The following CFLAR variants were observed in gnomAD, a reference collection of about 807,000 sequenced individuals.
The protein encoded by CFLAR is CASP8 and FADD like apoptosis regulator, also known as CASP8 and FADD-like apoptosis regulator.
A neutral mutation model predicts 51.1 loss-of-function variants in CFLAR; 14 were observed. The observed-to-expected ratio is 0.27, with a 90% CI of 0.18 to 0.43. The LOEUF (loss-of-function observed/expected upper bound fraction) is 0.43, where lower values mean the gene tolerates loss of function less well. Ranked by LOEUF, CFLAR falls within the 20% of genes least tolerant of loss-of-function variation. The pLI, the probability that CFLAR is intolerant of heterozygous loss-of-function variation, is 1.00. For synonymous variants in CFLAR, 210 were observed against 211.6 expected (o/e 0.99, Z 0.06); for missense variants, 390 against 566.5 (o/e 0.69, Z 3.16).
chr2:201,145,335 AAATAACT>A, intron 5 of CFLAR, 36 bp from the exon 6 acceptor site: 1 of 1,220,028 alleles, frequency 8.2e-7, no homozygotes, highest in Non-Finnish European at 1.2e-6. Context: ...TGTACCTCTG[AAATAACT>A]AACAGGAAGT....
At chr2:201,135,916 T>C (rs1468732677) in intron 3 of CFLAR, 56 bp from the exon 4 acceptor site, 6 of 1,569,408 alleles carry the variant, frequency 3.8e-6, no homozygotes, top group Non-Finnish European at 5.2e-6. Context: ...TATGAACTTC[T>C]GCACCTGGCC....
At chr2:201,136,489 C>G (rs2050144767) in intron 4 of CFLAR, 1 of 1,589,598 alleles carries the variant, frequency 6.3e-7, no homozygotes, top group Middle Eastern at 1.9e-4. Context: ...GGTGATGTCA[C>G]TTGGGTCTCA....
At chr2:201,162,705 A>T (rs1575970689) in intron 9 of CFLAR, 1 of 265,818 alleles carries the variant, frequency 3.8e-6, no homozygotes, top group East Asian at 9.4e-5. Context: ...CAGGGAGAGG[A>T]CAAGGACAGG....
chr2:201,161,420 A>ATT (rs551168092), intron 9 of CFLAR, among the ~76,000 whole-genome samples: 146 of 145,660 alleles, frequency 1.0e-3, no homozygotes, highest in African/African-American at 2.5e-3. Context: ...ATTTTTATTT[A>ATT]TTTTTTTTTT....
At chr2:201,151,135 C>T (rs1941213239) in intron 8 of CFLAR, 1 of 152,190 alleles carries the variant, frequency 6.6e-6, no homozygotes, top group Non-Finnish European at 1.5e-5. Context: ...TCAGTCAGTT[C>T]TGCTGTCCTT....
chr2:201,134,670 A>G (rs544105299), intron 3 of CFLAR, among the ~76,000 whole-genome samples: 1 of 150,404 alleles, frequency 6.6e-6, no homozygotes, highest in African/African-American at 2.4e-5. Context: ...ATAAAATAAA[A>G]TAAAATAAAA....
At chr2:201,126,755 T>A (rs1462529071) in intron 1 of CFLAR, among the ~76,000 whole-genome samples, 1 of 152,156 alleles carries the variant, frequency 6.6e-6, no homozygotes, top group East Asian at 1.9e-4. Context: ...TCTCAGCAGT[T>A]TTGTTAGTTC....
chr2:201,141,404 C>G, intron 5 of CFLAR: 1 of 1,559,648 alleles, frequency 6.4e-7, no homozygotes, highest in African/African-American at 1.4e-5. Flanking sequence ...TTGTCCTGAT[C>G]TGAAAATTCT....
chr2:201,123,727 T>A (rs2048412743), intron 1 of CFLAR, among the ~76,000 whole-genome samples: 1 of 152,230 alleles, frequency 6.6e-6, no homozygotes, highest in African/African-American at 2.4e-5. Context: ...TGTCATTTTA[T>A]AACTGGGATC....
intron 1 of CFLAR, among the ~76,000 whole-genome samples, chr2:201,128,296 G>A (rs1333509605): frequency 6.6e-6 from 1 of 152,036 alleles, no homozygotes; most frequent in Admixed American, 6.6e-5. Flanking sequence ...ATAGATTTGG[G>A]CTGTCCAGAA....
At chr2:201,136,672 C>T (rs1575688466) in intron 4 of CFLAR, 1 of 1,030,862 alleles carries the variant, frequency 9.7e-7, no homozygotes, top group Non-Finnish European at 1.4e-6. Flanking sequence ...AGTTCACTGC[C>T]ACCATAGCAT....
chr2:201,163,009 G>A (rs778620179), intron 9 of CFLAR: 28 of 752,906 alleles, frequency 3.7e-5, no homozygotes, highest in South Asian at 1.2e-4. Flanking sequence ...GACAATTCCC[G>A]GAAGTGGAAT....
chr2:201,136,108 G>T lies in CFLAR; in HGVS notation c.523+1G>T. On this transcript the variant is annotated splice_donor_variant, in intron 4 of 9. Transcript: ENST00000309955. LOFTEE classifies it high-confidence loss of function. ...AAAATCCAGAAGTACAAGCAGTCTG[G>T]TAAGAATTTTGGCCTCTCAGTGGTC... 1 of 1,612,554 alleles carries T rather than the reference G, an allele frequency of 6.2e-7. No homozygotes were observed. Among genetic ancestry groups the T allele is most frequent in the Non-Finnish European group, 8.5e-7 (1 of 1,179,206 alleles).
intron 1 of CFLAR, among the ~76,000 whole-genome samples, chr2:201,119,860 CAT>C (rs2048008290): frequency 6.8e-6 from 1 of 146,562 alleles, no homozygotes; most frequent in Non-Finnish European, 1.5e-5. Flanking sequence ...TTTTTTCACA[CAT>C]GTGCGCTCTC....
Position 201,129,795 on chromosome 2 carries a change from G to A in CFLAR, c.-71G>A. The stretch of plus-strand genomic sequence containing the variant: ...CCCTCAGAAATGAAGTTGACTGCCT[G>A]CTGGCTTTCTGTTGACTGGCCCGGA... On this transcript the variant is annotated 5_prime_UTR_variant, in exon 2 of 10. Transcript: ENST00000309955. 1 of 1,441,322 alleles carries A rather than the reference G, an allele frequency of 6.9e-7. No homozygotes were observed. The highest frequency in any genetic ancestry group is 9.5e-7 in the Non-Finnish European group (1 of 1,050,594). 89.3% of individuals were successfully genotyped at this position (1,441,322 alleles called of 1,614,324 possible).
At chr2:201,132,005 A>G (rs1387172139) in intron 2 of CFLAR, among the ~76,000 whole-genome samples, 1 of 152,080 alleles carries the variant, frequency 6.6e-6, no homozygotes, top group Non-Finnish European at 1.5e-5. Flanking sequence ...TATCATTGTT[A>G]TTATTATTAT....
intron 5 of CFLAR, among the ~76,000 whole-genome samples, chr2:201,142,307 TAA>T (rs201735574): frequency 6.6e-6 from 1 of 150,874 alleles, no homozygotes; most frequent in Non-Finnish European, 1.5e-5. Flanking sequence ...TATATATATA[TAA>T]ATGCTTTCCT....
chr2:201,144,674 A>G lies in CFLAR; in HGVS notation c.607-704A>G, dbSNP rs1036333836. Reference sequence around the variant, plus strand: ...GTCTGGCCTAGAAATCCGACTCTTAACCATGCTGTACTTTGCCCCTGTGTT... The same window carrying G: ...GTCTGGCCTAGAAATCCGACTCTTAGCCATGCTGTACTTTGCCCCTGTGTT... On this transcript the variant is annotated intron_variant, in intron 5 of 9. Transcript: ENST00000309955. Among the ~76,000 whole-genome samples, 3 of 152,152 alleles carry G rather than the reference A, an allele frequency of 2.0e-5. No homozygotes were observed. The East Asian group carries it at 5.8e-4, about 29-fold the overall frequency.
In CFLAR at chr2:201,160,745, C is replaced by A; in HGVS notation, c.1107C>A (p.Asp369Glu). Residue 369 changes from aspartate to glutamate, a missense_variant, in exon 9 of 10, where the codon GAC becomes GAA. This residue lies in a region of CFLAR where 287 missense variants were observed against 363.6 expected (regional missense o/e 0.79). Coordinates refer to ENST00000309955, the MANE Select transcript of CFLAR (RefSeq NM_003879.7). Reference protein sequence around the residue: ...NYVVSEGQLEDSSLLEVDGPA... With the variant: ...NYVVSEGQLEESSLLEVDGPA... The stretch of plus-strand genomic sequence containing the variant: ...TGGTGTCAGAGGGCCAGCTGGAGGA[C>A]AGCAGCCTCTTGGAGGTGGATGGGC... 5.0e-6 allele frequency: 8 copies of A among 1,614,116 alleles called. No individual in the cohort carries two copies. Among genetic ancestry groups the A allele is most frequent in the Non-Finnish European group, 6.8e-6 (8 of 1,180,010 alleles).
Sources: allele counts gnomAD v4.1 joint callset (sites outside exome capture counted in the v4.1 genomes callset), GRCh38; gene constraint gnomAD v4.1.1; regional missense constraint gnomAD v4.1.1; transcripts MANE v1.5; gene names NCBI Gene and HGNC (gene_info 2026-07-23, HGNC 2026-07-21).